Variants in RAPGEF3 observed in about 807,000 individuals in gnomAD.
The protein encoded by RAPGEF3 is 9330170P05Rik.
In RAPGEF3, 103 loss-of-function variants were observed where a neutral mutation model predicts 129.8. The ratio of observed to expected loss-of-function variants is 0.79; its 90% CI spans 0.68 to 0.93. RAPGEF3 has a LOEUF of 0.93. RAPGEF3 is among the 40% of genes least tolerant of loss of function. The pLI is 0.00. For synonymous variants in RAPGEF3, 436 were observed against 482.6 expected (o/e 0.90, Z 1.26); for missense variants, 1,117 against 1,207.4 (o/e 0.93, Z 1.11).
In RAPGEF3 at chr12:47,748,837, G is replaced by A. The variant is rs747342924; in HGVS notation, c.1136C>T (p.Pro379Leu). Residue 379 changes from proline (P) to leucine (L), a missense_variant, in exon 11 of 28, where the codon CCA becomes CTA. Physicochemically the swap from Pro to Leu is moderately conservative, Grantham distance 98 (BLOSUM62 -3). Around this residue, in one of 3 missense-constraint regions of RAPGEF3, gnomAD observed 107 missense variants for 160.7 expected, o/e 0.67. Coordinates refer to ENST00000449771, the MANE Select transcript of RAPGEF3 (RefSeq NM_001098531.4). ...ASQGAGPSRP[P>L]TPGRNRYTVM... Reference sequence around the variant, plus strand: ...GTATTACCGGTTCCTGCCTGGGGTTGGGGGTCGGGAAGGGCCGGCGCCCTG... The same window carrying A: ...GTATTACCGGTTCCTGCCTGGGGTTAGGGGTCGGGAAGGGCCGGCGCCCTG... The A allele has an allele frequency of 6.2e-7, 1 of 1,612,472 alleles. No homozygotes were observed. The highest frequency in any genetic ancestry group is 1.3e-5 in the African/African-American group (1 of 74,862).
chr12:47,746,206 C>T (rs966549638), intron 16 of RAPGEF3: 23 of 188,224 alleles, frequency 1.2e-4, no homozygotes, highest in African/African-American at 4.8e-4. Flanking sequence ...GAACGGGCTT[C>T]GCCTGCGGAG....
intron 10 of RAPGEF3, 61 bp from the exon 11 acceptor site, chr12:47,748,992 C>T: frequency 7.5e-7 from 1 of 1,336,500 alleles, no homozygotes; most frequent in South Asian, 1.2e-5. Flanking sequence ...ACCCTCTCAT[C>T]TACCTCCTTC....
At chr12:47,748,234 C>T in intron 12 of RAPGEF3, 82 bp from the exon 13 acceptor site, 1 of 1,228,114 alleles carries the variant, frequency 8.1e-7, no homozygotes, top group Non-Finnish European at 1.2e-6. Context: ...CTGGAAGGAC[C>T]CTTCCCCACA....
intron 27 of RAPGEF3, 145 bp downstream of exon 27, chr12:47,737,877 A>G: frequency 8.2e-7 from 1 of 1,224,290 alleles, no homozygotes; most frequent in Non-Finnish European, 1.2e-6. Context: ...CCTGGCTCAG[A>G]GCACAGAGGC....
intron 16 of RAPGEF3, chr12:47,746,570 C>G (rs529252588): frequency 1.3e-5 from 9 of 679,614 alleles, no homozygotes; most frequent in Non-Finnish European, 2.1e-5. Context: ...CATTCCTCAT[C>G]TCCCAGGCTC....
At position 47,747,762 on chromosome 12, in the gene RAPGEF3, G is replaced by C. The variant is rs1428360371; in HGVS notation, c.1423C>G (p.Leu475Val). The C allele has an allele frequency of 1.9e-6, 3 of 1,609,056 alleles. No individual in the cohort carries two copies. Among genetic ancestry groups the C allele is most frequent in the African/African-American group, 2.7e-5 (2 of 74,946 alleles). Residue 475 changes from leucine (L) to valine (V), a missense_variant, in exon 14 of 28, where the codon CTG becomes GTG. Coordinates refer to ENST00000449771, the MANE Select transcript of RAPGEF3 (RefSeq NM_001098531.4). ...TCAGTGTGGAGCATGGAGCCATACA[G>C]GGCCACCCACTGGCTGACCAGCCGC... ...ILRLVSQWVA[L>V]YGSMLHTDPV...
rs756208830 is a variant in RAPGEF3 at position 47,737,545 on chromosome 12, C to T, written c.*22G>A. On this transcript the variant is annotated 3_prime_UTR_variant, in exon 28 of 28. Transcript: ENST00000449771. ...CTTTCCCGGCTGCAAGTGCCTGCTC[C>T]AGCTCCAGTCCCAGCCCCTCCTCAT... is the stretch of plus-strand genomic sequence containing the variant. 1.9e-6 allele frequency: 3 copies of T among 1,603,482 alleles called. No individual in the cohort carries two copies. Among genetic ancestry groups the T allele is most frequent in the South Asian group, 2.2e-5 (2 of 90,232 alleles).
intron 16 of RAPGEF3, chr12:47,746,217 GAGA>G (rs994633122): frequency 3.7e-5 from 7 of 191,310 alleles, no homozygotes; most frequent in African/African-American, 1.4e-4. Flanking sequence ...GCCTGCGGAG[GAGA>G]AGAAGCCAGT....
intron 18 of RAPGEF3, chr12:47,742,362 C>G (rs1941215721): frequency 6.6e-6 from 1 of 152,266 alleles, no homozygotes; most frequent in Non-Finnish European, 1.5e-5. Flanking sequence ...AGTAGGGTCT[C>G]AATAAACATG....
At position 47,740,305 on chromosome 12, in the gene RAPGEF3, C is replaced by G. The variant is rs745968910; in HGVS notation, c.2322G>C (p.Glu774Asp). 1 of 1,613,960 alleles carries G rather than the reference C, an allele frequency of 6.2e-7. No homozygotes were observed. The highest frequency in any genetic ancestry group is 8.5e-7 in the Non-Finnish European group (1 of 1,179,868). Residue 774 changes from glutamate (E) to aspartate (D), a missense_variant and splice_region_variant, in exon 22 of 28, where the codon GAG (glutamate) becomes GAC (aspartate). Physicochemically the swap from Glu to Asp is conservative, Grantham distance 45. Around this residue, in one of 3 missense-constraint regions of RAPGEF3, gnomAD observed 643 missense variants for 673.4 expected, o/e 0.95. Coordinates refer to ENST00000449771, the MANE Select transcript of RAPGEF3 (RefSeq NM_001098531.4). Reference sequence around the variant, plus strand: ...AGGGGGCCCTCCAGACCACACTTACCTCCCAGGTGTGGGCTAGGCGGCTGA... The same window carrying G: ...AGGGGGCCCTCCAGACCACACTTACGTCCCAGGTGTGGGCTAGGCGGCTGA... ...SAISRLAHTW[E>D]RLPHKVRKLY... is the part of the protein sequence containing the mutation.
Position 47,750,331 on chromosome 12 carries a change from C to A in RAPGEF3, c.756+10G>T, listed in dbSNP as rs373943652. The A allele has an allele frequency of 1.7e-5, 27 of 1,613,008 alleles. No homozygotes were observed. The highest frequency in any genetic ancestry group is 2.0e-5 in the Non-Finnish European group (24 of 1,179,174). On this transcript the variant is annotated intron_variant, in intron 7 of 27. Coordinates refer to ENST00000449771, the MANE Select transcript of RAPGEF3 (RefSeq NM_001098531.4). ...TGGTACGGGGCAGGGCTGGGAGGGG[C>A]AGGACTGACCGAGTTGGAGAGGTGG...
intron 20 of RAPGEF3, 23 bp downstream of exon 20, chr12:47,740,892 T>TC (rs780473821): frequency 1.9e-6 from 3 of 1,613,774 alleles, no homozygotes; most frequent in Non-Finnish European, 2.5e-6. Context: ...CCTGCTCTCC[T>TC]CCCCCAGCTC....
rs368706450 is a variant in RAPGEF3 at position 47,740,754 on chromosome 12, A to G, written c.2119T>C (p.Phe707Leu). The change falls in exon 21 of 28, where the codon TTC becomes CTC. Residue 707 changes from phenylalanine (F) to leucine (L), a missense_variant. Physicochemically the swap from Phe to Leu is conservative, Grantham distance 22 (BLOSUM62 0). Transcript: ENST00000449771. ...TGCAGCTCATTGAAGCGGCGCATGA[A>G]GCGCTCCAGGTTGGCGGTGGTGACA... is the stretch of plus-strand genomic sequence containing the variant. Reference protein sequence around the residue: ...RDVTTANLERFMRRFNELQYW... With the variant: ...RDVTTANLERLMRRFNELQYW... 6.2e-6 allele frequency: 10 copies of G among 1,613,938 alleles called. No individual in the cohort carries two copies. The African/African-American group carries it at 6.7e-5, about 11-fold the overall frequency.
In RAPGEF3 at chr12:47,738,016, A is replaced by G; in HGVS notation, c.2653+6T>C. The G allele has an allele frequency of 8.9e-7, 1 of 1,124,008 alleles. No individual in the cohort carries two copies. Among genetic ancestry groups the G allele is most frequent in the South Asian group, 1.2e-5 (1 of 82,876 alleles). 69.6% of individuals were successfully genotyped at this position (1,124,008 alleles called of 1,614,324 possible). ...CCCTGCCCACCCACCATCGCCCACC[A>G]CTTACATGTGGAAATCCTCGCCACC... On this transcript the variant is annotated splice_donor_region_variant and intron_variant, in intron 27 of 27. Transcript: ENST00000449771.
At chr12:47,747,273 T>G (rs561737319) in intron 15 of RAPGEF3, among the ~76,000 whole-genome samples, 1 of 152,154 alleles carries the variant, frequency 6.6e-6, no homozygotes, top group South Asian at 2.1e-4. Context: ...ACTGAGGGTA[T>G]TTGGTAATAA....
intron 19 of RAPGEF3, chr12:47,741,275 C>A (rs568956586): frequency 8.7e-5 from 59 of 676,590 alleles, no homozygotes; most frequent in Non-Finnish European, 1.2e-4. Flanking sequence ...TAGGGCAGGT[C>A]CTCCTCTTTC....
At chr12:47,745,779 G>A (rs1372782498) in intron 16 of RAPGEF3, 2 of 152,288 alleles carry the variant, frequency 1.3e-5, no homozygotes, top group African/African-American at 2.4e-5. Context: ...CACAGGCCAG[G>A]GTTGAATGAG....
intron 15 of RAPGEF3, 34 bp downstream of exon 15, chr12:47,747,510 T>C (rs763736341): frequency 1.4e-5 from 23 of 1,602,962 alleles, no homozygotes; most frequent in Admixed American, 8.3e-5. Flanking sequence ...CTGCCAGTTA[T>C]GGAAATGACA....
chr12:47,740,466 G>A lies in RAPGEF3; in HGVS notation c.2232-71C>T, dbSNP rs1941079578. On this transcript the variant is annotated intron_variant, in intron 21 of 27. Coordinates refer to ENST00000449771, the MANE Select transcript of RAPGEF3 (RefSeq NM_001098531.4). ...ACCCCTACAGTGCCCCCAGACAACA[G>A]CCAGGCCAGCCTCTGCAGAGATCCA... is the stretch of plus-strand genomic sequence containing the variant. 1.4e-5 allele frequency: 22 copies of A among 1,529,220 alleles called. 1 individual carries two copies. The South Asian group carries it at 2.5e-4, about 17-fold the overall frequency. The allele number at this position is 1,529,220 out of a possible 1,614,324, so 94.7% of individuals were successfully genotyped here. A position where few individuals can be genotyped will look rare whatever the true frequency, so the allele number is the denominator to read the frequency against.
Sources: gnomAD v4.1 joint callset for allele counts (sites outside exome capture counted in the v4.1 genomes callset) on GRCh38, gnomAD v4.1.1 for gene constraint, gnomAD v4.1.1 regional missense constraint, MANE v1.5 for transcripts, NCBI Gene and HGNC (gene_info 2026-07-23, HGNC 2026-07-21) for gene names.